Variants in SLC22A23 observed in about 807,000 individuals in gnomAD.
The protein encoded by SLC22A23 is ion transporter protein.
Under a neutral mutation model 61.0 loss-of-function variants are expected in SLC22A23, and 26 were observed. That is an observed-to-expected ratio of 0.43 (90% CI 0.31 to 0.59). The LOEUF (loss-of-function observed/expected upper bound fraction) is 0.59. Ranked by LOEUF, SLC22A23 falls within the 20% of genes least tolerant of loss-of-function variation. SLC22A23 has a pLI of 0.11. For missense variants in SLC22A23, 796 were observed against 934.7 expected, an observed-to-expected ratio of 0.85 and a Z score of 1.94; for synonymous variants, 430 against 413.9, an observed-to-expected ratio of 1.04 and a Z score of -0.47.
intron 2 of SLC22A23, among the ~76,000 whole-genome samples, chr6:3,413,513 C>T (rs755685664): frequency 6.6e-5 from 10 of 152,340 alleles, no homozygotes; most frequent in South Asian, 2.1e-4. Context: ...AAGAAGTGAG[C>T]GCATCCCTGG....
In SLC22A23 at chr6:3,353,269, C is replaced by T. The variant is rs72841830; in HGVS notation, c.914-29267G>A. Among the ~76,000 whole-genome samples, 1,003 of 152,310 alleles carry T rather than the reference C, an allele frequency of 6.6e-3. 7 individuals carry two copies. Among genetic ancestry groups the T allele is most frequent in the Middle Eastern group, 0.017 (5 of 294 alleles). On this transcript the variant is annotated intron_variant, in intron 3 of 9. Coordinates refer to ENST00000406686, the MANE Select transcript of SLC22A23 (RefSeq NM_015482.2). ...CTGCTTAAACCAAAACCTGGTTTTC[C>T]AGCATTTGAACAAAAAAAGGGAAAC...
chr6:3,438,975 C>T (rs1771404626), intron 1 of SLC22A23, among the ~76,000 whole-genome samples: 1 of 152,236 alleles, frequency 6.6e-6, no homozygotes, highest in South Asian at 2.1e-4. Flanking sequence ...TGTCCCACCC[C>T]ACAGGCTTGG....
chr6:3,334,774 A>G (rs988414718), intron 3 of SLC22A23, among the ~76,000 whole-genome samples: 1 of 152,058 alleles, frequency 6.6e-6, no homozygotes, highest in Non-Finnish European at 1.5e-5. Context: ...AAAACAAAAC[A>G]CTGTCTAGGT....
intron 2 of SLC22A23, among the ~76,000 whole-genome samples, chr6:3,413,131 G>A (rs941903884): frequency 1.3e-5 from 2 of 152,210 alleles, no homozygotes; most frequent in African/African-American, 2.4e-5. Flanking sequence ...GGAGGAGATG[G>A]TAATAAAGGG....
rs1178724715 is a variant in SLC22A23, at chr6:3,329,767, C to T, written c.914-5765G>A. 6.6e-6 allele frequency among the ~76,000 whole-genome samples: 1 copy of T among 152,176 alleles called. No individual in the cohort carries two copies. Among genetic ancestry groups the T allele is most frequent in the Non-Finnish European group, 1.5e-5 (1 of 68,034 alleles). The stretch of plus-strand genomic sequence containing the variant: ...AAGCCACGGAAGGCTTCCTATGTGT[C>T]GCTGGCCTCACAGACATGAGGCCAC... On this transcript the variant is annotated intron_variant, in intron 3 of 9. Coordinates refer to ENST00000406686, the MANE Select transcript of SLC22A23 (RefSeq NM_015482.2). This position sits in a 1 kb window ranked among gnomAD's most constrained non-coding sequence, Gnocchi z 4.8.
chr6:3,406,139 G>A (rs534451303), intron 3 of SLC22A23, among the ~76,000 whole-genome samples: 1 of 152,210 alleles, frequency 6.6e-6, no homozygotes, highest in South Asian at 2.1e-4. Flanking sequence ...GTAGCTGGTG[G>A]GGGGCAGTTA....
At chr6:3,371,861 T>C (rs916956234) in intron 3 of SLC22A23, among the ~76,000 whole-genome samples, 1 of 152,160 alleles carries the variant, frequency 6.6e-6, no homozygotes, top group Non-Finnish European at 1.5e-5. Context: ...TGCACCATTA[T>C]TGAATGTACC....
rs570923626 is a variant in SLC22A23, at chr6:3,452,599, TAAAAAAAAAAAAAAAAAAAA to T, written c.654+3287_654+3306del. ...CTGGGCAACAGAGCCAGACGCTGTC[TAAAAAAAAAAAAAAAAAAAA>T]AAAAAAAAAAAAAAAAAAAGCCTAG... On this transcript the variant is annotated intron_variant, in intron 1 of 9. Transcript: ENST00000406686. Among the ~76,000 whole-genome samples, 250 of 40,552 alleles carry T rather than the reference TAAAAAAAAAAAAAAAAAAAA, an allele frequency of 6.2e-3. 1 individual carries two copies. Among genetic ancestry groups the T allele is most frequent in the African/African-American group, 0.024 (238 of 9,778 alleles). 26.6% of individuals were successfully genotyped at this position (40,552 alleles called of 152,430 possible). A position where few individuals can be genotyped will look rare whatever the true frequency, so the allele number is the denominator to read the frequency against.
chr6:3,456,389 A>G lies in SLC22A23; in HGVS notation c.171T>C (p.His57=), dbSNP rs1772410230. 4 of 1,529,514 alleles carry G rather than the reference A, an allele frequency of 2.6e-6. No individual in the cohort carries two copies. In the African/African-American group the frequency reaches 4.2e-5, roughly 16 times the overall value. 94.7% of individuals were successfully genotyped at this position (1,529,514 alleles called of 1,614,324 possible). A position where few individuals can be genotyped will look rare whatever the true frequency, so the allele number is the denominator to read the frequency against. The part of the protein sequence containing the change: ...GAEIQPLPPL[H]PGGGPHPSCC... ...AGCTCGGGTGCGGGCCGCCTCCAGG[A>G]TGCAGTGGGGGCAGCGGCTGGATCT... Residue 57 remains histidine (H), a synonymous_variant, in exon 1 of 10, where the codon CAT becomes CAC. Coordinates refer to ENST00000406686, the MANE Select transcript of SLC22A23 (RefSeq NM_015482.2). The surrounding 1 kb of genome is among the most constrained non-coding windows in gnomAD (Gnocchi z 7.1).
At chr6:3,418,063 G>C (rs1433919302) in intron 1 of SLC22A23, among the ~76,000 whole-genome samples, 1 of 152,212 alleles carries the variant, frequency 6.6e-6, no homozygotes, top group Admixed American at 6.5e-5. Flanking sequence ...TGCACATTCT[G>C]TTTTTCCAGC....
chr6:3,301,021 T>C (rs1761564555), intron 4 of SLC22A23, among the ~76,000 whole-genome samples: 1 of 152,310 alleles, frequency 6.6e-6, no homozygotes, highest in African/African-American at 2.4e-5. Flanking sequence ...TAATGTTTGT[T>C]TTCCTGGCCT....
At chr6:3,365,765 T>TAAAA (rs1321708551) in intron 3 of SLC22A23, among the ~76,000 whole-genome samples, 1 of 152,008 alleles carries the variant, frequency 6.6e-6, no homozygotes, top group African/African-American at 2.4e-5. Context: ...TTAAAACATT[T>TAAAA]AAAAAACAGT....
chr6:3,280,512 T>TTTTTTTTTTTTTTTTTTTCC lies in SLC22A23; in HGVS notation c.1703+3339_1703+3340insGGAAAAAAAAAAAAAAAAAA, dbSNP rs781526188. Among the ~76,000 whole-genome samples the TTTTTTTTTTTTTTTTTTTCC allele has an allele frequency of 2.0e-5, 2 of 98,330 alleles. 1 individual carries two copies. The highest frequency in any genetic ancestry group is 7.1e-5 in the African/African-American group (2 of 28,056). The allele number at this position is 98,330 out of a possible 152,430, so 64.5% of individuals were successfully genotyped here. ...CAACTTTTTTTTTTTTTTTTTTTTT[T>TTTTTTTTTTTTTTTTTTTCC]TGAGATGGAGTCTCGCTCTGTCGCC... is the stretch of plus-strand genomic sequence containing the variant. On this transcript the variant is annotated intron_variant, in intron 9 of 9. Transcript: ENST00000406686.
intron 3 of SLC22A23, among the ~76,000 whole-genome samples, chr6:3,400,917 A>C (rs965806503): frequency 3.9e-5 from 6 of 152,252 alleles, no homozygotes; most frequent in Non-Finnish European, 7.3e-5. Flanking sequence ...GACTTTAAGC[A>C]AAAATAGGCA....
chr6:3,456,687 A>C lies in SLC22A23; in HGVS notation c.-128T>G. On this transcript the variant is annotated 5_prime_UTR_variant, in exon 1 of 10. Transcript: ENST00000406686. This position sits in a 1 kb window ranked among gnomAD's most constrained non-coding sequence, Gnocchi z 7.1. Reference sequence around the variant, plus strand: ...CCGAGGAGGGCCCGCGGCTCGAGAGAGAGCGCTCGGCGGCTCCGGGTGCGT... The same window carrying C: ...CCGAGGAGGGCCCGCGGCTCGAGAGCGAGCGCTCGGCGGCTCCGGGTGCGT... The C allele has an allele frequency of 1.7e-6, 1 of 594,750 alleles. No individual in the cohort carries two copies. Among genetic ancestry groups the C allele is most frequent in the Non-Finnish European group, 2.1e-6 (1 of 475,794 alleles). 36.8% of individuals were successfully genotyped at this position (594,750 alleles called of 1,614,324 possible).
At chr6:3,447,566 G>A (rs1168469859) in intron 1 of SLC22A23, among the ~76,000 whole-genome samples, 1 of 150,040 alleles carries the variant, frequency 6.7e-6, no homozygotes, top group African/African-American at 2.5e-5. Context: ...AAAAGGAGGA[G>A]AGAGGAAAGA....
intron 5 of SLC22A23, chr6:3,290,217 TC>T (rs1760453104): frequency 5.7e-6 from 2 of 348,594 alleles, no homozygotes; most frequent in Non-Finnish European, 5.4e-6. Flanking sequence ...GCGATGATAT[TC>T]TAGGTTACTG....
chr6:3,347,156 C>T (rs1341496793), intron 3 of SLC22A23, among the ~76,000 whole-genome samples: 1 of 152,160 alleles, frequency 6.6e-6, no homozygotes, highest in African/African-American at 2.4e-5. Context: ...CTGTGAGTGC[C>T]CGAAGTTTGA....
chr6:3,323,602 A>G, intron 4 of SLC22A23: 1 of 589,410 alleles, frequency 1.7e-6, no homozygotes, highest in Admixed American at 3.1e-5. Context: ...AGATTTTTGG[A>G]GCTGGGTGAT....
Sources: gnomAD v4.1 joint callset for allele counts (sites outside exome capture counted in the v4.1 genomes callset) on GRCh38, gnomAD v4.1.1 for gene constraint, Gnocchi (gnomAD v3.1) non-coding constraint, MANE v1.5 for transcripts, NCBI Gene and HGNC (gene_info 2026-07-23, HGNC 2026-07-21) for gene names.